Variants in SHCBP1L observed in about 807,000 individuals in gnomAD.
SHCBP1L encodes the protein testicular spindle-associated protein SHCBP1L.
SHCBP1L carries 67 observed loss-of-function variants against 62.5 expected under a neutral mutation model. The ratio of observed to expected loss-of-function variants is 1.07; its 90% CI spans 0.88 to 1.31. The LOEUF is 1.31. SHCBP1L is among the 40% of genes most tolerant of loss of function. The pLI, the probability that SHCBP1L is intolerant of heterozygous loss-of-function variation, is 0.00. For missense variants in SHCBP1L, 823 were observed against 809.8 expected (o/e 1.02, Z -0.20); for synonymous variants, 284 against 289.4 (o/e 0.98, Z 0.19).
intron 6 of SHCBP1L, among the ~76,000 whole-genome samples, chr1:182,915,781 A>G (rs1441406254): frequency 6.6e-6 from 1 of 151,834 alleles, no homozygotes; most frequent in Admixed American, 6.6e-5. Context: ...AAATTTAGAC[A>G]TATGTGAAAA....
chr1:182,900,721 A>G (rs1452035333), intron 9 of SHCBP1L, among the ~76,000 whole-genome samples: 1 of 152,162 alleles, frequency 6.6e-6, no homozygotes, highest in Non-Finnish European at 1.5e-5. Context: ...GTGAGCCACC[A>G]TGCCCAGCCA....
In SHCBP1L at chr1:182,951,365, C is replaced by A; in HGVS notation, c.508G>T (p.Val170Leu). Residue 170 changes from valine (V) to leucine (L), a missense_variant, in exon 2 of 10, where the codon GTG (valine) becomes TTG (leucine). Physicochemically the swap from Val to Leu is conservative, Grantham distance 32. Transcript: ENST00000367547. ...GGGATAGAAGCTTCTTCATATTTCACAAAGAATACACTGGGATTAGTCTTC... is the reference window on the plus strand; with the variant it reads ...GGGATAGAAGCTTCTTCATATTTCAAAAAGAATACACTGGGATTAGTCTTC... ...VWKTNPSVFF[V>L]KYEEASIPFV... The A allele has an allele frequency of 6.2e-7, 1 of 1,600,708 alleles. No individual in the cohort carries two copies. The highest frequency in any genetic ancestry group is 8.5e-7 in the Non-Finnish European group (1 of 1,174,644).
At chr1:182,942,048 T>C in intron 2 of SHCBP1L, 1 of 889,510 alleles carries the variant, frequency 1.1e-6, no homozygotes, top group Non-Finnish European at 1.8e-6. Flanking sequence ...AAAATATTCC[T>C]CTGGATTGTA....
intron 6 of SHCBP1L, among the ~76,000 whole-genome samples, chr1:182,914,675 C>G (rs1650296484): frequency 6.6e-6 from 1 of 150,896 alleles, no homozygotes; most frequent in Non-Finnish European, 1.5e-5. Flanking sequence ...AAAAAAAAAT[C>G]ATAAAACACA....
intron 6 of SHCBP1L, among the ~76,000 whole-genome samples, chr1:182,922,051 G>T (rs1650543288): frequency 1.3e-5 from 2 of 152,052 alleles, no homozygotes; most frequent in Admixed American, 1.3e-4. Flanking sequence ...AAAAGACAAA[G>T]AATGGCATTA....
At chr1:182,914,085 A>G (rs1409800929) in intron 6 of SHCBP1L, among the ~76,000 whole-genome samples, 1 of 152,262 alleles carries the variant, frequency 6.6e-6, no homozygotes, top group Non-Finnish European at 1.5e-5. Context: ...AATAAGATTA[A>G]GGCTGCTTTC....
chr1:182,900,113 T>C lies in SHCBP1L; in HGVS notation c.1832A>G (p.Lys611Arg). The C allele has an allele frequency of 6.2e-7, 1 of 1,612,728 alleles. No homozygotes were observed. Among genetic ancestry groups the C allele is most frequent in the Non-Finnish European group, 8.5e-7 (1 of 1,179,248 alleles). ...FFIVAEEALN[K>R]RASSGDKKDD... is the part of the protein sequence containing the mutation. ...TTTTTTATCTCCTGAAGAAGCCCTT[T>C]TGTTGAGAGCTTCTTCTGCTACGAT... The change falls in exon 10 of 10, where the codon AAA becomes AGA. Residue 611 changes from lysine (K) to arginine (R), a missense_variant. Transcript: ENST00000367547.
At chr1:182,911,446 T>C (rs1650185528) in intron 6 of SHCBP1L, among the ~76,000 whole-genome samples, 1 of 151,950 alleles carries the variant, frequency 6.6e-6, no homozygotes, top group Non-Finnish European at 1.5e-5. Flanking sequence ...AACAAAAAAA[T>C]TGCAAGACAT....
In SHCBP1L at chr1:182,924,793, A is replaced by AGAAAGGAAGG. The variant is rs1491297529; in HGVS notation, c.1182+4853_1182+4854insCCTTCCTTTC. 8.1e-4 allele frequency among the ~76,000 whole-genome samples: 96 copies of AGAAAGGAAGG among 119,010 alleles called. 5 individuals are homozygous for AGAAAGGAAGG. Among genetic ancestry groups the AGAAAGGAAGG allele is most frequent in the African/African-American group, 4.4e-3 (91 of 20,570 alleles). 78.1% of individuals were successfully genotyped at this position (119,010 alleles called of 152,430 possible). A position where few individuals can be genotyped will look rare whatever the true frequency, so the allele number is the denominator to read the frequency against. On this transcript the variant is annotated intron_variant, in intron 6 of 9. Transcript: ENST00000367547. ...GAAAGAAAGAAAGAAAGAAAGAGAG[A>AGAAAGGAAGG]AAGAAAGGAAGGAAGGAAGGAGGGA...
At chr1:182,945,044 T>A (rs1161560502) in intron 2 of SHCBP1L, among the ~76,000 whole-genome samples, 4 of 141,186 alleles carry the variant, frequency 2.8e-5, no homozygotes, top group African/African-American at 1.1e-4. Flanking sequence ...TCACTGCAAC[T>A]CCTCTGCCTC....
At chr1:182,931,456 A>G (rs1226796948) in intron 5 of SHCBP1L, among the ~76,000 whole-genome samples, 3 of 152,330 alleles carry the variant, frequency 2.0e-5, no homozygotes, top group South Asian at 2.1e-4. Context: ...ACAAATGTAT[A>G]TATGTTTTTA....
chr1:182,949,548 T>G (rs997424702), intron 2 of SHCBP1L, among the ~76,000 whole-genome samples: 1 of 151,730 alleles, frequency 6.6e-6, no homozygotes. Context: ...AACACAAAAA[T>G]TAGCCGGGTG....
At chr1:182,932,163 T>A (rs1198387817) in intron 5 of SHCBP1L, among the ~76,000 whole-genome samples, 3 of 143,850 alleles carry the variant, frequency 2.1e-5, no homozygotes, top group Non-Finnish European at 3.0e-5. Flanking sequence ...CAACATTCCT[T>A]GTCTGGGTGT....
chr1:182,932,921 T>C (rs891180953), intron 5 of SHCBP1L, among the ~76,000 whole-genome samples: 2 of 152,118 alleles, frequency 1.3e-5, no homozygotes, highest in Non-Finnish European at 2.9e-5. Context: ...TACTTTTTTT[T>C]TGGAAACAGA....
intron 6 of SHCBP1L, 74 bp downstream of exon 6, chr1:182,929,573 A>C: frequency 1.1e-6 from 1 of 899,660 alleles, no homozygotes; most frequent in Non-Finnish European, 1.6e-6. Context: ...CAAGGACTCC[A>C]CCCTCAGGGA....
chr1:182,931,495 A>C, intron 5 of SHCBP1L, among the ~76,000 whole-genome samples: 1 of 152,320 alleles, frequency 6.6e-6, no homozygotes, highest in Non-Finnish European at 1.5e-5. Context: ...AGATATAAAA[A>C]ATTTCCATCA....
chr1:182,952,988 G>A lies in SHCBP1L; in HGVS notation c.146C>T (p.Ser49Leu), dbSNP rs1297094250. 2 of 1,543,304 alleles carry A rather than the reference G, an allele frequency of 1.3e-6. No homozygotes were observed. Among genetic ancestry groups the A allele is most frequent in the South Asian group, 1.2e-5 (1 of 84,368 alleles). Reference protein sequence around the residue: ...TLKGTAIPVRSVVASPRPVKG... With the variant: ...TLKGTAIPVRLVVASPRPVKG... Reference sequence around the variant, plus strand: ...CACCGGGCGAGGGGAGGCCACCACCGACCGCACTGGGATCGCGGTGCCCTT... The same window carrying A: ...CACCGGGCGAGGGGAGGCCACCACCAACCGCACTGGGATCGCGGTGCCCTT... Residue 49 changes from serine to leucine, a missense_variant, in exon 1 of 10, where the codon TCG (serine) becomes TTG (leucine). Physicochemically the swap from Ser to Leu is moderately radical, Grantham distance 145. Coordinates refer to ENST00000367547, the MANE Select transcript of SHCBP1L (RefSeq NM_030933.4).
intron 9 of SHCBP1L, among the ~76,000 whole-genome samples, chr1:182,902,477 A>G (rs1348218043): frequency 6.6e-6 from 1 of 152,182 alleles, no homozygotes; most frequent in Non-Finnish European, 1.5e-5. Flanking sequence ...AGGAGACAAA[A>G]TGTACATTCA....
At chr1:182,935,158 C>CA (rs1651127895) in intron 5 of SHCBP1L, among the ~76,000 whole-genome samples, 6 of 152,074 alleles carry the variant, frequency 3.9e-5, no homozygotes, top group Non-Finnish European at 8.8e-5. Context: ...TTTGGCTATT[C>CA]TAGGTTTCCT....
Sources: gnomAD v4.1 joint callset for allele counts (sites outside exome capture counted in the v4.1 genomes callset) on GRCh38, gnomAD v4.1.1 for gene constraint, MANE v1.5 for transcripts, NCBI Gene and HGNC (gene_info 2026-07-23, HGNC 2026-07-21) for gene names.